CNNM2: variants seen among roughly 807,000 people sequenced by gnomAD.
The protein encoded by CNNM2 is metal transporter CNNM2.
Under a neutral mutation model 66.9 loss-of-function variants are expected in CNNM2, and 12 were observed. That is an observed-to-expected ratio of 0.18 (90% CI 0.11 to 0.29). The LOEUF (loss-of-function observed/expected upper bound fraction) is 0.29. Ranked by LOEUF, CNNM2 falls within the 10% of genes least tolerant of loss-of-function variation. CNNM2 has a pLI of 1.00. For missense variants in CNNM2, 705 were observed against 1,167.7 expected (o/e 0.60, Z 5.77); for synonymous variants, 557 against 501.8 (o/e 1.11, Z -1.47).
intron 1 of CNNM2, chr10:102,927,291 A>G: frequency 6.2e-7 from 1 of 1,609,056 alleles, no homozygotes; most frequent in Non-Finnish European, 8.5e-7. Context: ...GATCACTAGG[A>G]TTGAATACAG....
Position 103,086,306 on chromosome 10 carries a change from C to G in CNNM2, c.*9126C>G, listed in dbSNP as rs937167001. The G allele has an allele frequency of 6.6e-6, 1 of 152,168 alleles. No homozygotes were observed. The highest frequency in any genetic ancestry group is 1.5e-5 in the Non-Finnish European group (1 of 68,028). 9.4% of individuals were successfully genotyped at this position (152,168 alleles called of 1,614,324 possible). On this transcript the variant is annotated 3_prime_UTR_variant, in exon 8 of 8. Coordinates refer to ENST00000369878, the MANE Select transcript of CNNM2 (RefSeq NM_017649.5). ...CATGAGAAACATAAGTATTTGAGCC[C>G]TAAACTACTAAGCCCAGTGAGGAAT...
chr10:103,076,935 T>C, intron 7 of CNNM2, 36 bp from the exon 8 acceptor site: 1 of 1,581,640 alleles, frequency 6.3e-7, no homozygotes, highest in Non-Finnish European at 8.7e-7. Flanking sequence ...ATAAGCATTA[T>C]CTTGGTTTGT....
intron 1 of CNNM2, among the ~76,000 whole-genome samples, chr10:103,035,452 G>T (rs2064918462): frequency 6.6e-6 from 1 of 152,136 alleles, no homozygotes; most frequent in Non-Finnish European, 1.5e-5. Context: ...AAGTGGAGAT[G>T]CCCAGCATGC....
Position 103,069,074 on chromosome 10 carries a change from C to G in CNNM2, c.2167+352C>G, listed in dbSNP as rs537294513. On this transcript the variant is annotated intron_variant, in intron 5 of 7. Transcript: ENST00000369878. ...CTTTTGAACTTTGCATAAATGGAGA[C>G]ACTGTGTGTGTTACACAGAGGCTGG... 3.3e-5 allele frequency among the ~76,000 whole-genome samples: 5 copies of G among 152,290 alleles called. No individual in the cohort carries two copies. The East Asian group carries it at 9.6e-4, about 29-fold the overall frequency.
intron 1 of CNNM2, among the ~76,000 whole-genome samples, chr10:102,986,137 T>C (rs1015169598): frequency 6.6e-6 from 1 of 152,214 alleles, no homozygotes; most frequent in African/African-American, 2.4e-5. Flanking sequence ...ACAAAGATAA[T>C]GCATGTGATT....
At chr10:103,008,542 G>A (rs1050481155) in intron 1 of CNNM2, among the ~76,000 whole-genome samples, 2 of 152,164 alleles carry the variant, frequency 1.3e-5, no homozygotes, top group Admixed American at 6.6e-5. Flanking sequence ...ACTTTGGGAG[G>A]CCAAGGCAGG....
rs953788126 is a variant in CNNM2 at position 102,972,509 on chromosome 10, C to T, written c.1621+52408C>T. On this transcript the variant is annotated intron_variant, in intron 1 of 7. Transcript: ENST00000369878. Reference sequence around the variant, plus strand: ...AAAATTAGACGGGCGTGGTGGCGGGCGCCTGTAGTCCCAGCTACTCGGGAG... The same window carrying T: ...AAAATTAGACGGGCGTGGTGGCGGGTGCCTGTAGTCCCAGCTACTCGGGAG... Among the ~76,000 whole-genome samples, 4 of 151,970 alleles carry T rather than the reference C, an allele frequency of 2.6e-5. No homozygotes were observed. Among genetic ancestry groups the T allele is most frequent in the Non-Finnish European group, 4.4e-5 (3 of 68,000 alleles).
intron 1 of CNNM2, among the ~76,000 whole-genome samples, chr10:102,983,363 T>A (rs2063747270): frequency 1.4e-5 from 2 of 147,720 alleles, no homozygotes; most frequent in Non-Finnish European, 1.5e-5. Context: ...TATATATTTA[T>A]ATATATAAAT....
At chr10:103,053,809 GC>G (rs2065254327) in intron 2 of CNNM2, among the ~76,000 whole-genome samples, 1 of 152,140 alleles carries the variant, frequency 6.6e-6, no homozygotes, top group Admixed American at 6.5e-5. Flanking sequence ...TTAAAACACT[GC>G]TCTGCGAAAG....
chr10:102,918,754 G>T lies in CNNM2; in HGVS notation c.274G>T (p.Ala92Ser). ...TNDVSFMEGG[A>S]LRVSERTRVK... is the part of the protein sequence containing the mutation. ...CGACGTGTCGTTCATGGAAGGGGGG[G>T]CGCTGCGGGTGAGCGAACGGACCCG... Residue 92 changes from alanine (A) to serine (S), a missense_variant, in exon 1 of 8, where the codon GCG becomes TCG. Coordinates refer to ENST00000369878, the MANE Select transcript of CNNM2 (RefSeq NM_017649.5). The surrounding 1 kb of genome is among the most constrained non-coding windows in gnomAD (Gnocchi z 4.1). 2 of 1,592,322 alleles carry T rather than the reference G, an allele frequency of 1.3e-6. No individual in the cohort carries two copies. Among genetic ancestry groups the T allele is most frequent in the Non-Finnish European group, 1.7e-6 (2 of 1,170,362 alleles).
At position 102,919,041 on chromosome 10, in the gene CNNM2, G is replaced by A; in HGVS notation, c.561G>A (p.Lys187=). The change falls in exon 1 of 8, where the codon AAG becomes AAA. Residue 187 remains lysine, a synonymous_variant. Transcript: ENST00000369878. ...IKPLRKMEKS[K]SYYLCTSLST... Reference sequence around the variant, plus strand: ...CGCTACGCAAGATGGAGAAGAGCAAGTCCTATTACCTGTGCACGTCGCTCT... The same window carrying A: ...CGCTACGCAAGATGGAGAAGAGCAAATCCTATTACCTGTGCACGTCGCTCT... 1.2e-6 allele frequency: 2 copies of A among 1,612,670 alleles called. No individual in the cohort carries two copies. The highest frequency in any genetic ancestry group is 1.7e-5 in the Admixed American group (1 of 60,006).
intron 2 of CNNM2, among the ~76,000 whole-genome samples, chr10:103,050,939 A>G (rs1176126059): frequency 6.6e-6 from 1 of 152,150 alleles, no homozygotes; most frequent in Non-Finnish European, 1.5e-5. Flanking sequence ...GCAATGCTCA[A>G]GGGTTCCATA....
chr10:102,945,753 C>G (rs909312361), intron 1 of CNNM2, among the ~76,000 whole-genome samples: 41 of 152,220 alleles, frequency 2.7e-4, no homozygotes, highest in African/African-American at 9.4e-4. Flanking sequence ...GTTAGGTACC[C>G]TCTTCTGTGT....
chr10:102,920,272 C>G (rs1845574318), intron 1 of CNNM2, among the ~76,000 whole-genome samples, 171 bp downstream of exon 1: 1 of 152,198 alleles, frequency 6.6e-6, no homozygotes, highest in Non-Finnish European at 1.5e-5. Flanking sequence ...ATGGATTGAA[C>G]TAGTAAGTGC....
chr10:103,018,262 AAG>A (rs2064495927), intron 1 of CNNM2, among the ~76,000 whole-genome samples: 2 of 152,270 alleles, frequency 1.3e-5, no homozygotes, highest in Non-Finnish European at 2.9e-5. Context: ...TGGATAGAAA[AAG>A]AGAAGAGGTA....
At chr10:102,997,859 G>A (rs2064033043) in intron 1 of CNNM2, among the ~76,000 whole-genome samples, 1 of 152,078 alleles carries the variant, frequency 6.6e-6, no homozygotes, top group Non-Finnish European at 1.5e-5. Flanking sequence ...AAATGGCTTT[G>A]TATCATAATC....
At chr10:102,935,605 ATTT>A (rs34763981) in intron 1 of CNNM2, among the ~76,000 whole-genome samples, 3 of 128,042 alleles carry the variant, frequency 2.3e-5, no homozygotes, top group Non-Finnish European at 1.6e-5. Context: ...TTAAAAAAAA[ATTT>A]TTTTTTTTTT....
chr10:102,944,782 T>A (rs1426171235), intron 1 of CNNM2, among the ~76,000 whole-genome samples: 4 of 152,188 alleles, frequency 2.6e-5, no homozygotes, highest in Non-Finnish European at 5.9e-5. Context: ...ACATATTATC[T>A]AATATTCAGT....
At chr10:102,921,616 T>G (rs947995028) in intron 1 of CNNM2, among the ~76,000 whole-genome samples, 1 of 152,214 alleles carries the variant, frequency 6.6e-6, no homozygotes, top group Non-Finnish European at 1.5e-5. Flanking sequence ...GGGGTGTCAT[T>G]CTTTCACCAC....
Sources: allele counts gnomAD v4.1 joint callset (sites outside exome capture counted in the v4.1 genomes callset), GRCh38; gene constraint gnomAD v4.1.1; non-coding constraint Gnocchi (gnomAD v3.1); transcripts MANE v1.5; gene names NCBI Gene and HGNC (gene_info 2026-07-23, HGNC 2026-07-21).